MCTP1: variants seen among roughly 807,000 people sequenced by gnomAD.
MCTP1 encodes multiple C2 and transmembrane domain-containing protein 1.
Under a neutral mutation model 120.6 loss-of-function variants are expected in MCTP1, and 69 were observed. The ratio of observed to expected loss-of-function variants is 0.57; its 90% CI spans 0.47 to 0.70. The LOEUF (loss-of-function observed/expected upper bound fraction) is 0.70. Among genes scored for constraint, MCTP1 ranks in the 30% least tolerant of loss-of-function variants. The pLI, the probability that MCTP1 is intolerant of heterozygous loss-of-function variation, is 0.00. For missense variants in MCTP1, 1,203 were observed against 1,248.8 expected (o/e 0.96, Z 0.55); for synonymous variants, 529 against 493.1 (o/e 1.07, Z -0.96).
intron 20 of MCTP1, among the ~76,000 whole-genome samples, chr5:94,711,208 G>A (rs1756852640): frequency 6.6e-6 from 1 of 152,060 alleles, no homozygotes; most frequent in Non-Finnish European, 1.5e-5. Context: ...CCACATGAAA[G>A]AAGATCTTTA....
chr5:95,220,313 C>T (rs1439537304), intron 1 of MCTP1, among the ~76,000 whole-genome samples: 1 of 150,512 alleles, frequency 6.6e-6, no homozygotes, highest in Non-Finnish European at 1.5e-5. Flanking sequence ...AGTCATCAAC[C>T]TGGATCCTCA....
intron 1 of MCTP1, among the ~76,000 whole-genome samples, chr5:95,055,223 A>T (rs1376481369): frequency 6.6e-6 from 1 of 152,100 alleles, no homozygotes; most frequent in East Asian, 1.9e-4. Flanking sequence ...TATTTTGTGG[A>T]TCTTTTTAAC....
At chr5:95,096,557 G>C (rs1312154061) in intron 1 of MCTP1, among the ~76,000 whole-genome samples, 1 of 152,124 alleles carries the variant, frequency 6.6e-6, no homozygotes, top group Non-Finnish European at 1.5e-5. Flanking sequence ...GCAAGAGAAA[G>C]GGGAAAGCAA....
At chr5:95,165,089 A>T (rs1318549377) in intron 1 of MCTP1, among the ~76,000 whole-genome samples, 1 of 152,202 alleles carries the variant, frequency 6.6e-6, no homozygotes, top group Non-Finnish European at 1.5e-5. Flanking sequence ...CCCCACCTAG[A>T]TTCAACAGGA....
chr5:94,795,993 G>C (rs991560602), intron 18 of MCTP1, among the ~76,000 whole-genome samples: 10 of 152,186 alleles, frequency 6.6e-5, no homozygotes, highest in Non-Finnish European at 1.5e-4. Context: ...AGGTCTCCAA[G>C]AAAGGAAAGA....
intron 19 of MCTP1, among the ~76,000 whole-genome samples, chr5:94,729,185 T>C (rs1762667928): frequency 6.6e-6 from 1 of 152,142 alleles, no homozygotes; most frequent in Non-Finnish European, 1.5e-5. Flanking sequence ...CAAAGGGAAT[T>C]GAACACAAGG....
At chr5:95,135,156 G>C (rs1388981040) in intron 1 of MCTP1, among the ~76,000 whole-genome samples, 2 of 150,636 alleles carry the variant, frequency 1.3e-5, no homozygotes, top group African/African-American at 2.4e-5. Flanking sequence ...TGAAAGAAAA[G>C]AAATTATGTT....
At chr5:95,078,870 T>C (rs1754244722) in intron 1 of MCTP1, among the ~76,000 whole-genome samples, 1 of 152,168 alleles carries the variant, frequency 6.6e-6, no homozygotes, top group Admixed American at 6.5e-5. Flanking sequence ...ATAAAGTTGC[T>C]GTAAGAAAAA....
Position 95,112,610 on chromosome 5 carries a change from G to C in MCTP1, c.721-95126C>G, listed in dbSNP as rs73776192. On this transcript the variant is annotated intron_variant, in intron 1 of 22. Transcript: ENST00000515393. ...GAAATAATCTGAGGACAAAATATCA[G>C]ATTTTACCTAATCTAAGATATGCAA... Among the ~76,000 whole-genome samples, 978 of 152,170 alleles carry C rather than the reference G, an allele frequency of 6.4e-3. 15 individuals are homozygous for C. The highest frequency in any genetic ancestry group is 0.023 in the African/African-American group (952 of 41,520).
At chr5:94,928,111 GATA>G in intron 6 of MCTP1, among the ~76,000 whole-genome samples, 1 of 151,620 alleles carries the variant, frequency 6.6e-6, no homozygotes, top group African/African-American at 2.4e-5. Flanking sequence ...ATATCATCAC[GATA>G]ATATTTGTTA....
chr5:94,757,177 G>A (rs1296490681), intron 19 of MCTP1, among the ~76,000 whole-genome samples: 3 of 152,150 alleles, frequency 2.0e-5, no homozygotes, highest in Non-Finnish European at 2.9e-5. Flanking sequence ...GCACATGGGC[G>A]TACACAAACA....
chr5:94,848,663 G>A (rs1337491265), intron 17 of MCTP1, among the ~76,000 whole-genome samples: 1 of 152,002 alleles, frequency 6.6e-6, no homozygotes, highest in Non-Finnish European at 1.5e-5. Flanking sequence ...ATTAGTTGAA[G>A]TTTTATTGAC....
At chr5:94,907,220 G>C (rs1807141586) in intron 10 of MCTP1, among the ~76,000 whole-genome samples, 3 of 152,118 alleles carry the variant, frequency 2.0e-5, no homozygotes. Context: ...GTGCCATCTG[G>C]ATATCAAAAA....
At chr5:94,870,831 G>A (rs1797719057) in intron 15 of MCTP1, 41 bp downstream of exon 15, 3 of 1,278,584 alleles carry the variant, frequency 2.3e-6, no homozygotes, top group Non-Finnish European at 3.4e-6. Context: ...TCATGAAACT[G>A]AACTCTTTAG....
chr5:95,088,558 G>A lies in MCTP1; in HGVS notation c.721-71074C>T, dbSNP rs901751140. 2.2e-4 allele frequency among the ~76,000 whole-genome samples: 34 copies of A among 152,174 alleles called. 1 individual carries two copies. Among genetic ancestry groups the A allele is most frequent in the Admixed American group, 1.9e-3 (29 of 15,280 alleles). ...TTCTATTTTACAAACTGATGCTTACGGAGGTGAAGTAATTTGACCATATGT... is the reference window on the plus strand; with the variant it reads ...TTCTATTTTACAAACTGATGCTTACAGAGGTGAAGTAATTTGACCATATGT... On this transcript the variant is annotated intron_variant, in intron 1 of 22. Coordinates refer to ENST00000515393, the MANE Select transcript of MCTP1 (RefSeq NM_024717.7).
intron 1 of MCTP1, among the ~76,000 whole-genome samples, chr5:95,037,348 A>G (rs921393588): frequency 8.5e-5 from 13 of 152,316 alleles, no homozygotes; most frequent in African/African-American, 2.9e-4. Context: ...AAAAGCAACG[A>G]GGTGAAAAGT....
At chr5:95,177,489 C>T (rs71630703) in intron 1 of MCTP1, among the ~76,000 whole-genome samples, 2 of 151,936 alleles carry the variant, frequency 1.3e-5, no homozygotes, top group Admixed American at 6.6e-5. Context: ...AAGAGAATCA[C>T]GGTTATCTGG....
At chr5:95,225,049 C>A (rs1025799349) in intron 1 of MCTP1, among the ~76,000 whole-genome samples, 1 of 151,948 alleles carries the variant, frequency 6.6e-6, no homozygotes, top group African/African-American at 2.4e-5. Context: ...AAGATTAAAC[C>A]AATCAACCAC....
intron 1 of MCTP1, among the ~76,000 whole-genome samples, chr5:95,034,044 T>C (rs1341013096): frequency 6.6e-6 from 1 of 151,854 alleles, no homozygotes; most frequent in African/African-American, 2.4e-5. Flanking sequence ...ACAAGGAGAA[T>C]TACAAAACAC....
Sources: allele counts gnomAD v4.1 joint callset (sites outside exome capture counted in the v4.1 genomes callset), GRCh38; gene constraint gnomAD v4.1.1; transcripts MANE v1.5; gene names NCBI Gene and HGNC (gene_info 2026-07-23, HGNC 2026-07-21).